Variants in RTN3 observed in about 807,000 individuals in gnomAD.
RTN3 encodes the protein reticulon 3.
RTN3 carries 49 observed loss-of-function variants against 77.8 expected under a neutral mutation model. The ratio of observed to expected loss-of-function variants is 0.63; its 90% CI spans 0.50 to 0.80. The LOEUF is 0.80. RTN3 is among the 30% of genes least tolerant of loss of function. The pLI, the probability that RTN3 is intolerant of heterozygous loss-of-function variation, is 0.00. For missense variants in RTN3, 1,236 were observed against 1,211.9 expected (o/e 1.02, Z -0.29); for synonymous variants, 464 against 446.9 (o/e 1.04, Z -0.48).
At chr11:63,709,623 G>C in intron 2 of RTN3, among the ~76,000 whole-genome samples, 1 of 151,344 alleles carries the variant, frequency 6.6e-6, no homozygotes, top group Non-Finnish European at 1.5e-5. Flanking sequence ...TTGTACAAAA[G>C]AGACGTTTTG....
chr11:63,725,869 T>C (rs1404739166), intron 3 of RTN3, among the ~76,000 whole-genome samples: 1 of 152,234 alleles, frequency 6.6e-6, no homozygotes. Context: ...TTCTAGTTAC[T>C]GTCAAAGTTA....
intron 3 of RTN3, among the ~76,000 whole-genome samples, chr11:63,749,569 C>T (rs1263990134): frequency 6.6e-6 from 1 of 152,176 alleles, no homozygotes; most frequent in East Asian, 1.9e-4. Flanking sequence ...ATCCTTTCTG[C>T]CAAACTATTT....
At chr11:63,699,148 A>G (rs903261987) in intron 1 of RTN3, among the ~76,000 whole-genome samples, 3 of 152,080 alleles carry the variant, frequency 2.0e-5, no homozygotes, top group African/African-American at 7.2e-5. Flanking sequence ...TAAAAATACA[A>G]AAATTAGCCG....
In RTN3 at chr11:63,758,186, A is replaced by G; in HGVS notation, c.3084A>G (p.Lys1028=). ...KIQAKLPGIA[K]KKAE Reference sequence around the variant, plus strand: ...AAGCAAAACTCCCTGGAATCGCCAAAAAAAAGGCAGAATAAGTACATGGAA... The same window carrying G: ...AAGCAAAACTCCCTGGAATCGCCAAGAAAAAGGCAGAATAAGTACATGGAA... The change falls in exon 9 of 9, where the codon AAA becomes AAG. Residue 1028 remains lysine, a synonymous_variant. Coordinates refer to ENST00000377819, the MANE Select transcript of RTN3 (RefSeq NM_001265589.2). The G allele has an allele frequency of 1.2e-6, 2 of 1,610,204 alleles. No individual in the cohort carries two copies. Among genetic ancestry groups the G allele is most frequent in the Non-Finnish European group, 1.7e-6 (2 of 1,178,960 alleles).
intron 2 of RTN3, among the ~76,000 whole-genome samples, chr11:63,706,897 T>C (rs181459360): frequency 1.4e-5 from 2 of 147,076 alleles, no homozygotes; most frequent in East Asian, 3.9e-4. Context: ...TTCTTTTCTT[T>C]TTTCTTTTTT....
At chr11:63,697,291 A>C (rs1370605473) in intron 1 of RTN3, among the ~76,000 whole-genome samples, 1 of 150,112 alleles carries the variant, frequency 6.7e-6, no homozygotes, top group East Asian at 2.0e-4. Context: ...CAGCAGGTCC[A>C]CTTATGCTTT....
chr11:63,743,258 A>G (rs1205404262), intron 3 of RTN3, among the ~76,000 whole-genome samples: 2 of 152,172 alleles, frequency 1.3e-5, no homozygotes, highest in East Asian at 3.8e-4. Flanking sequence ...AAACAGGAGT[A>G]GAGGCAGAGA....
intron 3 of RTN3, among the ~76,000 whole-genome samples, chr11:63,724,484 C>CTTT (rs34237318): frequency 1.5e-3 from 120 of 81,794 alleles, no homozygotes; most frequent in African/African-American, 5.2e-3. Flanking sequence ...GTGCCCGGCC[C>CTTT]TTTTTTTTTT....
chr11:63,703,295 G>A (rs1052495312), intron 1 of RTN3, among the ~76,000 whole-genome samples: 3 of 151,962 alleles, frequency 2.0e-5, no homozygotes, highest in African/African-American at 7.3e-5. Context: ...GGTGGTGGGG[G>A]GTGGTGGTTT....
At chr11:63,726,423 G>A (rs1019211033) in intron 3 of RTN3, among the ~76,000 whole-genome samples, 4 of 152,238 alleles carry the variant, frequency 2.6e-5, no homozygotes, top group Admixed American at 6.5e-5. Flanking sequence ...TCAGTGGAAT[G>A]TAAGGGGAGG....
chr11:63,698,002 C>G (rs1247430289), intron 1 of RTN3, among the ~76,000 whole-genome samples: 1 of 152,120 alleles, frequency 6.6e-6, no homozygotes, highest in Non-Finnish European at 1.5e-5. Context: ...CCGTATTTCC[C>G]ATACTTTTTG....
At chr11:63,698,072 C>G (rs1040742766) in intron 1 of RTN3, among the ~76,000 whole-genome samples, 2 of 151,980 alleles carry the variant, frequency 1.3e-5, no homozygotes, top group Non-Finnish European at 2.9e-5. Flanking sequence ...TTCCCTCCCC[C>G]TCTACCACTC....
At chr11:63,756,220 C>T (rs777694763) in intron 8 of RTN3, 50 bp downstream of exon 8, 3 of 1,281,602 alleles carry the variant, frequency 2.3e-6, no homozygotes, top group Non-Finnish European at 3.4e-6. Context: ...TCCTTCCCCC[C>T]AATTATCTTT....
At chr11:63,750,754 CAG>C (rs1192176830) in intron 4 of RTN3, among the ~76,000 whole-genome samples, 2 of 150,786 alleles carry the variant, frequency 1.3e-5, no homozygotes, top group Non-Finnish European at 3.0e-5. Flanking sequence ...GTTTTTGAGA[CAG>C]AGTCTCACTC....
chr11:63,730,084 A>G (rs891405369), intron 3 of RTN3, among the ~76,000 whole-genome samples: 1 of 152,170 alleles, frequency 6.6e-6, no homozygotes, highest in Non-Finnish European at 1.5e-5. Context: ...CTCCTCCCTC[A>G]GCCTCCCAAG....
intron 7 of RTN3, among the ~76,000 whole-genome samples, chr11:63,755,820 G>A (rs1253761477): frequency 4.0e-5 from 6 of 150,436 alleles, no homozygotes; most frequent in African/African-American, 7.3e-5. Flanking sequence ...TTAGCCAGGC[G>A]TGGTGGCGGG....
At chr11:63,687,623 A>G (rs966679590) in intron 1 of RTN3, among the ~76,000 whole-genome samples, 5 of 151,890 alleles carry the variant, frequency 3.3e-5, no homozygotes, top group African/African-American at 4.8e-5. Context: ...AAAAAAAAAA[A>G]GTGAACACAT....
intron 3 of RTN3, among the ~76,000 whole-genome samples, chr11:63,736,666 T>A (rs1417570270): frequency 6.6e-6 from 1 of 152,160 alleles, no homozygotes; most frequent in Non-Finnish European, 1.5e-5. Context: ...CCAGCCTGGA[T>A]GACAGAGACT....
At chr11:63,753,266 A>G in intron 6 of RTN3, 128 bp downstream of exon 6, 1 of 845,712 alleles carries the variant, frequency 1.2e-6, no homozygotes, top group Non-Finnish European at 1.9e-6. Flanking sequence ...ACCTGGGAGT[A>G]GAGGCACTGG....
Sources: allele counts gnomAD v4.1 joint callset (sites outside exome capture counted in the v4.1 genomes callset), GRCh38; gene constraint gnomAD v4.1.1; transcripts MANE v1.5; gene names NCBI Gene and HGNC (gene_info 2026-07-23, HGNC 2026-07-21).